Variants in CD81 observed in about 807,000 individuals in gnomAD.
The protein encoded by CD81 is CD81 antigen.
A neutral mutation model predicts 30.1 loss-of-function variants in CD81; 10 were observed. The ratio of observed to expected loss-of-function variants is 0.33; its 90% CI spans 0.21 to 0.56. The LOEUF is 0.56. Ranked by LOEUF, CD81 falls within the 20% of genes least tolerant of loss-of-function variation. CD81 has a pLI of 0.89. For missense variants in CD81, 263 were observed against 308.7 expected (o/e 0.85, Z 1.11); for synonymous variants, 147 against 126.4 (o/e 1.16, Z -1.10).
intron 1 of CD81, among the ~76,000 whole-genome samples, chr11:2,386,912 G>T (rs566015313): frequency 6.6e-6 from 1 of 152,238 alleles, no homozygotes; most frequent in Non-Finnish European, 1.5e-5. Flanking sequence ...CAGAGGCCTG[G>T]GGCCGGGGCT....
chr11:2,380,111 CAG>C (rs1265172455), intron 1 of CD81, among the ~76,000 whole-genome samples: 2 of 152,140 alleles, frequency 1.3e-5, no homozygotes, highest in Non-Finnish European at 2.9e-5. Flanking sequence ...AGGAAGGGCT[CAG>C]GGCGTGGGTG....
chr11:2,391,038 T>TG (rs1408971065), intron 2 of CD81: 1 of 241,480 alleles, frequency 4.1e-6, no homozygotes, highest in African/African-American at 2.2e-5. Flanking sequence ...AGGCTGCGTG[T>TG]GGGGGACTGG....
At chr11:2,384,023 C>T (rs944080435) in intron 1 of CD81, among the ~76,000 whole-genome samples, 3 of 152,194 alleles carry the variant, frequency 2.0e-5, no homozygotes, top group Non-Finnish European at 4.4e-5. Context: ...CGCCTGCTGC[C>T]TTTTGCTCCC....
rs746329414 is a variant in CD81 at position 2,396,907 on chromosome 11, CT to C, written c.*42del. On this transcript the variant is annotated 3_prime_UTR_variant, in exon 8 of 8. Transcript: ENST00000263645. ...GCCACAGGGACCTCTGCAGTGCCCC[CT>C]AAGTGACCCGGACACTTCCGAGGGG... The C allele has an allele frequency of 3.3e-4, 527 of 1,591,958 alleles. No individual in the cohort carries two copies. Among genetic ancestry groups the C allele is most frequent in the Non-Finnish European group, 4.1e-4 (474 of 1,162,938 alleles).
intron 1 of CD81, chr11:2,385,766 T>C (rs1849786853): frequency 5.4e-6 from 3 of 557,036 alleles, no homozygotes; most frequent in East Asian, 3.8e-5. Context: ...TGCACCCACA[T>C]GTGCAAGCCA....
rs1262254452 is a variant in CD81 at position 2,378,342 on chromosome 11, A to T, written c.66+727A>T. On this transcript the variant is annotated intron_variant, in intron 1 of 7. Transcript: ENST00000263645. This position sits in a 1 kb window ranked among gnomAD's most constrained non-coding sequence, Gnocchi z 4.9. Reference sequence around the variant, plus strand: ...AGGCCTCCTCCCAGAAGGGCTCTGGAGGCCTCGCAGGAGTGGGGATCCCGC... The same window carrying T: ...AGGCCTCCTCCCAGAAGGGCTCTGGTGGCCTCGCAGGAGTGGGGATCCCGC... Among the ~76,000 whole-genome samples, 4 of 152,068 alleles carry T rather than the reference A, an allele frequency of 2.6e-5. No homozygotes were observed. Among genetic ancestry groups the T allele is most frequent in the African/African-American group, 9.7e-5 (4 of 41,404 alleles).
At chr11:2,390,595 G>C (rs1849881560) in intron 2 of CD81, 69 bp downstream of exon 2, 4 of 1,113,418 alleles carry the variant, frequency 3.6e-6, no homozygotes, top group Non-Finnish European at 4.1e-6. Flanking sequence ...CTAGCCTTTT[G>C]GATGGGGACA....
At chr11:2,380,983 C>T (rs768865463) in intron 1 of CD81, among the ~76,000 whole-genome samples, 10 of 152,240 alleles carry the variant, frequency 6.6e-5, no homozygotes, top group Non-Finnish European at 1.3e-4. Context: ...TTCTCGCTTC[C>T]AGACAGCACA....
chr11:2,386,589 C>T (rs1169272709), intron 1 of CD81: 1 of 717,296 alleles, frequency 1.4e-6, no homozygotes. Context: ...GGTCGGAGAG[C>T]TTGGCATGGC....
chr11:2,396,024 T>G, intron 6 of CD81, 54 bp downstream of exon 6: 1 of 1,167,240 alleles, frequency 8.6e-7, no homozygotes, highest in Non-Finnish European at 1.2e-6. Flanking sequence ...CGCCCCTGGG[T>G]GGGGTCCTAG....
chr11:2,387,735 G>A (rs1458710766), intron 1 of CD81, among the ~76,000 whole-genome samples: 1 of 152,194 alleles, frequency 6.6e-6, no homozygotes, highest in South Asian at 2.1e-4. Flanking sequence ...GGCTTCCAGC[G>A]CTGCCCGCAG....
chr11:2,376,389 T>A (rs1284557335), upstream of CD81: 1 of 152,260 alleles, frequency 6.6e-6, no homozygotes, highest in African/African-American at 2.4e-5. Flanking sequence ...AGCCCCGTTG[T>A]CCATCAGTTT....
At chr11:2,393,991 T>G in intron 2 of CD81, 104 bp from the exon 3 acceptor site, 1 of 849,018 alleles carries the variant, frequency 1.2e-6, no homozygotes, top group Non-Finnish European at 2.0e-6. Flanking sequence ...ACCCTACATC[T>G]TCCCAGCTGG....
intron 1 of CD81, among the ~76,000 whole-genome samples, chr11:2,382,206 A>C (rs7106543): frequency 0.03 from 4,562 of 152,282 alleles, 246 homozygotes; most frequent in African/African-American, 0.1. Flanking sequence ...AGGATAAGGC[A>C]TCTGCCCCCC....
chr11:2,393,591 C>T, intron 2 of CD81: 1 of 445,736 alleles, frequency 2.2e-6, no homozygotes, highest in Non-Finnish European at 4.1e-6. Context: ...CCTCTTCTCG[C>T]ACCACACTGG....
Position 2,378,635 on chromosome 11 carries a change from T to A in CD81, c.66+1020T>A, listed in dbSNP as rs1849643264. On this transcript the variant is annotated intron_variant, in intron 1 of 7. Coordinates refer to ENST00000263645, the MANE Select transcript of CD81 (RefSeq NM_004356.4). This position sits in a 1 kb window ranked among gnomAD's most constrained non-coding sequence, Gnocchi z 4.9. ...AGGGGGTGGAAATCCCTTCTTGGCC[T>A]GGAAGGACTGGAGTGGGTGTCCATG... 6.6e-6 allele frequency among the ~76,000 whole-genome samples: 1 copy of A among 152,204 alleles called. No homozygotes were observed. Among genetic ancestry groups the A allele is most frequent in the Admixed American group, 6.5e-5 (1 of 15,292 alleles).
intron 1 of CD81, chr11:2,385,893 G>C: frequency 1.5e-6 from 1 of 651,074 alleles, no homozygotes; most frequent in South Asian, 1.7e-5. Context: ...GTGAACCTAA[G>C]TTCATTTCTC....
chr11:2,380,597 A>G (rs1364368012), intron 1 of CD81, among the ~76,000 whole-genome samples: 2 of 152,222 alleles, frequency 1.3e-5, no homozygotes, highest in East Asian at 3.9e-4. Context: ...CAGGGAGGAC[A>G]TTGCAGATGC....
intron 1 of CD81, among the ~76,000 whole-genome samples, chr11:2,384,109 G>A (rs922685467): frequency 1.3e-5 from 2 of 152,138 alleles, no homozygotes; most frequent in South Asian, 2.1e-4. Context: ...TTTTAAAGTC[G>A]ATTCTGTTAT....
Sources: allele counts gnomAD v4.1 joint callset (sites outside exome capture counted in the v4.1 genomes callset), GRCh38; gene constraint gnomAD v4.1.1; non-coding constraint Gnocchi (gnomAD v3.1); transcripts MANE v1.5; gene names NCBI Gene and HGNC (gene_info 2026-07-23, HGNC 2026-07-21).